Variants in MACF1 observed in about 807,000 individuals in gnomAD.
The protein encoded by MACF1 is microtubule-actin cross-linking factor 1.
Under a neutral mutation model 854.8 loss-of-function variants are expected in MACF1, and 193 were observed. The ratio of observed to expected loss-of-function variants is 0.23; its 90% CI spans 0.20 to 0.25. MACF1 has a LOEUF of 0.25. Among genes scored for constraint, MACF1 ranks in the 10% least tolerant of loss-of-function variants. The pLI, the probability that MACF1 is intolerant of heterozygous loss-of-function variation, is 1.00. For missense variants in MACF1, 7,722 were observed against 8,929.1 expected (o/e 0.86, Z 5.45); for synonymous variants, 3,185 against 3,226.7 (o/e 0.99, Z 0.44).
At chr1:39,230,276 A>G (rs1453709138) in intron 1 of MACF1, among the ~76,000 whole-genome samples, 1 of 152,232 alleles carries the variant, frequency 6.6e-6, no homozygotes, top group Non-Finnish European at 1.5e-5. Context: ...GCATTGTCAC[A>G]TATATCTTCA....
At chr1:39,326,756 A>AATG (rs1020471983) in intron 35 of MACF1, among the ~76,000 whole-genome samples, 65 of 152,148 alleles carry the variant, frequency 4.3e-4, no homozygotes, top group African/African-American at 1.3e-3. Context: ...TAAATTGTGA[A>AATG]ATGAAAGCTG....
intron 97 of MACF1, among the ~76,000 whole-genome samples, chr1:39,470,160 A>G (rs1446208378): frequency 2.0e-5 from 3 of 152,250 alleles, no homozygotes; most frequent in Non-Finnish European, 4.4e-5. Context: ...TGTTTGCTGT[A>G]CAGTACATAA....
chr1:39,186,639 A>G (rs1489517414), intron 2 of MACF1, among the ~76,000 whole-genome samples: 1 of 150,770 alleles, frequency 6.6e-6, no homozygotes, highest in Non-Finnish European at 1.5e-5. Context: ...ACAGGGTCTC[A>G]CTCTTCCACC....
chr1:39,293,283 A>G lies in MACF1; in HGVS notation c.1993-175A>G, dbSNP rs2484749. 0.71 allele frequency among the ~76,000 whole-genome samples: 107,411 copies of G among 152,118 alleles called. 38,273 individuals carry two copies. The highest frequency in any genetic ancestry group is 0.84 in the South Asian group (4,061 of 4,826). On this transcript the variant is annotated intron_variant, in intron 17 of 100. Transcript: ENST00000564288. ...AATTCTGTTTTCTACTTAGGATTGA[A>G]AAGAGTTCTGGGAGTCTTATATCAA...
At chr1:39,301,811 C>G (rs1387018112) in intron 22 of MACF1, among the ~76,000 whole-genome samples, 1 of 151,974 alleles carries the variant, frequency 6.6e-6, no homozygotes, top group Non-Finnish European at 1.5e-5. Context: ...AAAGCCGAAA[C>G]TCCTTAATGT....
intron 90 of MACF1, chr1:39,458,713 T>C: frequency 1.7e-6 from 1 of 587,268 alleles, no homozygotes; most frequent in Middle Eastern, 4.7e-4. Context: ...GTGGTTAAGC[T>C]TATTTTTTAA....
Position 39,332,273 on chromosome 1 carries a change from A to G in MACF1, c.5685A>G (p.Thr1895=). The change falls in exon 37 of 101, where the codon ACA becomes ACG. Residue 1895 remains threonine (T), a synonymous_variant. Transcript: ENST00000564288. The part of the protein sequence containing the change: ...HIKALFLPAT[T]EILSWKKAIE... ...AGGCTCTGTTTCTACCAGCAACCAC[A>G]GAGATTTTGTCCTGGAAGAAAGCAA... is the stretch of plus-strand genomic sequence containing the variant. 6.2e-7 allele frequency: 1 copy of G among 1,613,968 alleles called. No individual in the cohort carries two copies. Among genetic ancestry groups the G allele is most frequent in the Non-Finnish European group, 8.5e-7 (1 of 1,180,038 alleles).
chr1:39,439,322 A>G lies in MACF1; in HGVS notation c.18269A>G (p.Lys6090Arg). Residue 6090 changes from lysine to arginine, a missense_variant, in exon 72 of 101, where the codon AAA becomes AGA. Lys to Arg is a conservative substitution (Grantham distance 26). Coordinates refer to ENST00000564288, the MANE Select transcript of MACF1 (RefSeq NM_001394062.1). ...DQMVFFWEDI[K>R]ARAEEREIKF... is the part of the protein sequence containing the mutation. The stretch of plus-strand genomic sequence containing the variant: ...ATGGTATTCTTCTGGGAGGACATCA[A>G]AGCTCGGGCTGAAGAACGAGAAATC... 4 of 1,614,032 alleles carry G rather than the reference A, an allele frequency of 2.5e-6. No homozygotes were observed. Among genetic ancestry groups the G allele is most frequent in the South Asian group, 1.1e-5 (1 of 91,068 alleles).
intron 20 of MACF1, 127 bp from the exon 21 acceptor site, chr1:39,297,493 T>C: frequency 9.1e-7 from 1 of 1,101,822 alleles, no homozygotes; most frequent in Non-Finnish European, 1.3e-6. Context: ...TGTAATAAAC[T>C]GTCACTAATG....
At position 39,278,697 on chromosome 1, in the gene MACF1, A is replaced by G. The variant is rs117324315; in HGVS notation, c.529-3511A>G. 1.3e-3 allele frequency among the ~76,000 whole-genome samples: 202 copies of G among 152,322 alleles called. 1 individual carries two copies. The East Asian group carries it at 0.019, about 15-fold the overall frequency. Reference sequence around the variant, plus strand: ...ACAGTGAAGGCAGTGGGATATATCAATGTTGCATTTAGCCAGTGAAATAGG... The same window carrying G: ...ACAGTGAAGGCAGTGGGATATATCAGTGTTGCATTTAGCCAGTGAAATAGG... On this transcript the variant is annotated intron_variant, in intron 6 of 100. Coordinates refer to ENST00000564288, the MANE Select transcript of MACF1 (RefSeq NM_001394062.1).
chr1:39,325,256 A>T (rs1646587718), intron 35 of MACF1, among the ~76,000 whole-genome samples: 1 of 152,242 alleles, frequency 6.6e-6, no homozygotes, highest in Admixed American at 6.5e-5. Flanking sequence ...ATGAGTGATA[A>T]CTCAGAACCC....
rs1280430206 is a variant in MACF1 at position 39,303,091 on chromosome 1, A to G, written c.2789+13A>G. The G allele has an allele frequency of 1.9e-6, 3 of 1,612,742 alleles. No homozygotes were observed. Among genetic ancestry groups the G allele is most frequent in the Non-Finnish European group, 2.5e-6 (3 of 1,179,296 alleles). ...AGATGGCCAGCAGGTAACTTGGCTC[A>G]GCTGCCACTGGTACACCCACCTCTG... On this transcript the variant is annotated intron_variant, in intron 23 of 100. Transcript: ENST00000564288.
upstream of MACF1, among the ~76,000 whole-genome samples, chr1:39,199,970 C>T (rs902961266): frequency 1.3e-5 from 2 of 152,234 alleles, no homozygotes; most frequent in African/African-American, 2.4e-5. Flanking sequence ...ACATTGCTCT[C>T]TCTGCTCCTG....
At chr1:39,318,730 C>G in intron 30 of MACF1, 115 bp downstream of exon 30, 1 of 1,177,768 alleles carries the variant, frequency 8.5e-7, no homozygotes, top group Non-Finnish European at 1.2e-6. Flanking sequence ...TATCCAAATT[C>G]CCTTTTCTTT....
chr1:39,169,604 CAAAA>C (rs61000226), intron 2 of MACF1, among the ~76,000 whole-genome samples: 8 of 93,572 alleles, frequency 8.5e-5, no homozygotes, highest in Admixed American at 2.3e-4. Flanking sequence ...GACCCTGTCT[CAAAA>C]AAAAAAAAAA....
Position 39,300,199 on chromosome 1 carries a change from T to A in MACF1, c.2482-11T>A. The stretch of plus-strand genomic sequence containing the variant: ...CATTAATGTCATTTTGTTTTTCTTA[T>A]CATTTTGTAGGATGAAAAGGAGCAG... On this transcript the variant is annotated splice_polypyrimidine_tract_variant and intron_variant, in intron 21 of 100. Coordinates refer to ENST00000564288, the MANE Select transcript of MACF1 (RefSeq NM_001394062.1). The A allele has an allele frequency of 6.2e-7, 1 of 1,610,598 alleles. No individual in the cohort carries two copies. The highest frequency in any genetic ancestry group is 8.5e-7 in the Non-Finnish European group (1 of 1,178,944).
chr1:39,316,498 C>T lies in MACF1; in HGVS notation c.3557C>T (p.Ser1186Leu). The T allele has an allele frequency of 1.2e-6, 2 of 1,613,742 alleles. No individual in the cohort carries two copies. The highest frequency in any genetic ancestry group is 1.7e-6 in the Non-Finnish European group (2 of 1,179,794). The change falls in exon 28 of 101, where the codon TCA becomes TTA. Residue 1186 changes from serine to leucine, a missense_variant. Transcript: ENST00000564288. The stretch of plus-strand genomic sequence containing the variant: ...GAAGAAGTAGTACTGGCAGATCTCT[C>T]AGCTCTGGAGGCCCATTGGTCGACA... ...SQEEVVLADL[S>L]ALEAHWSTLR... is the part of the protein sequence containing the mutation.
At chr1:39,402,655 T>A (rs1383186931) in intron 58 of MACF1, among the ~76,000 whole-genome samples, 3 of 152,118 alleles carry the variant, frequency 2.0e-5, no homozygotes, top group African/African-American at 7.2e-5. Flanking sequence ...CATACTTATT[T>A]CTCACCACTG....
chr1:39,341,559 G>A (rs780854537), intron 40 of MACF1, among the ~76,000 whole-genome samples: 21 of 151,490 alleles, frequency 1.4e-4, no homozygotes, highest in African/African-American at 2.9e-4. Context: ...TTAGCCGGGC[G>A]GTGTGGCAGG....
Sources: allele counts gnomAD v4.1 joint callset (sites outside exome capture counted in the v4.1 genomes callset), GRCh38; gene constraint gnomAD v4.1.1; transcripts MANE v1.5; gene names NCBI Gene and HGNC (gene_info 2026-07-23, HGNC 2026-07-21).